The following ENTREP1 variants were observed in gnomAD, a reference collection of about 807,000 sequenced individuals.
ENTREP1 encodes endosomal transmembrane epsin interactor 1.
At chr9:69,342,112 G>A in the ENTREP1 span, among the ~76,000 whole-genome samples, 2 of 152,042 alleles carry the variant, frequency 1.3e-5, no homozygotes, top group Non-Finnish European at 2.9e-5. Flanking sequence ...ATTTCACTCT[G>A]TTTATTAAGG....
the ENTREP1 span, chr9:69,371,507 C>G: frequency 6.2e-7 from 1 of 1,612,576 alleles, no homozygotes; most frequent in South Asian, 1.1e-5. Flanking sequence ...AGGTAAACCT[C>G]TTTGTGCTGC....
chr9:69,363,544 G>T, the ENTREP1 span, among the ~76,000 whole-genome samples: 1 of 152,192 alleles, frequency 6.6e-6, no homozygotes, highest in Non-Finnish European at 1.5e-5. Context: ...CAGTGAAACT[G>T]TTAACCTTTT....
At chr9:69,332,716 C>T in the ENTREP1 span, among the ~76,000 whole-genome samples, 1 of 152,114 alleles carries the variant, frequency 6.6e-6, no homozygotes, top group Non-Finnish European at 1.5e-5. Flanking sequence ...TCAGAGACAC[C>T]TCATTTGAAA....
chr9:69,371,464 T>C, the ENTREP1 span: 4 of 1,366,754 alleles, frequency 2.9e-6, no homozygotes, highest in South Asian at 1.2e-5. Flanking sequence ...TTAGCTGTTA[T>C]CTTTTACTAA....
At chr9:69,388,341 G>C in the ENTREP1 span, 1 of 1,614,204 alleles carries the variant, frequency 6.2e-7, no homozygotes. Context: ...CAGTCCTCTT[G>C]TACCATGACC....
chr9:69,334,825 G>A, the ENTREP1 span, among the ~76,000 whole-genome samples: 2 of 143,370 alleles, frequency 1.4e-5, no homozygotes, highest in South Asian at 2.2e-4. Context: ...CGCCCAGGCT[G>A]GAGTGCAGTG....
chr9:69,368,330 T>A, the ENTREP1 span, among the ~76,000 whole-genome samples: 1 of 152,014 alleles, frequency 6.6e-6, no homozygotes, highest in African/African-American at 2.4e-5. Flanking sequence ...TAGCTGTGGG[T>A]TTTTCATTTA....
At chr9:69,368,523 C>A in the ENTREP1 span, among the ~76,000 whole-genome samples, 1 of 152,180 alleles carries the variant, frequency 6.6e-6, no homozygotes, top group East Asian at 1.9e-4. Context: ...TGATGTATAT[C>A]TTTTTGATGT....
At chr9:69,369,534 A>G in the ENTREP1 span, among the ~76,000 whole-genome samples, 1 of 151,420 alleles carries the variant, frequency 6.6e-6, no homozygotes, top group East Asian at 1.9e-4. Context: ...TCTAACTGGC[A>G]TGAGATGGTA....
chr9:69,340,989 G>C, the ENTREP1 span, among the ~76,000 whole-genome samples: 1 of 152,140 alleles, frequency 6.6e-6, no homozygotes, highest in Non-Finnish European at 1.5e-5. Context: ...AAGATTGTCT[G>C]GTCTAGGCAC....
At chr9:69,366,192 T>C in the ENTREP1 span, among the ~76,000 whole-genome samples, 1 of 152,188 alleles carries the variant, frequency 6.6e-6, no homozygotes, top group Non-Finnish European at 1.5e-5. Flanking sequence ...CAACAGGTGT[T>C]ACTTTTTGTC....
chr9:69,347,022 TA>T, the ENTREP1 span, among the ~76,000 whole-genome samples: 2 of 152,242 alleles, frequency 1.3e-5, no homozygotes, highest in Non-Finnish European at 2.9e-5. Flanking sequence ...CTGGGGATTC[TA>T]AAGGACGGAT....
the ENTREP1 span, among the ~76,000 whole-genome samples, chr9:69,373,449 T>C: frequency 2.6e-4 from 40 of 152,290 alleles, no homozygotes; most frequent in African/African-American, 9.6e-4. Context: ...TACATAAATA[T>C]GTATGGAGTG....
At chr9:69,375,850 C>T in the ENTREP1 span, 3 of 1,613,770 alleles carry the variant, frequency 1.9e-6, no homozygotes, top group Non-Finnish European at 2.5e-6. Context: ...TAGTGCTGTT[C>T]ACCTTCTACT....
At chr9:69,363,921 T>C in the ENTREP1 span, among the ~76,000 whole-genome samples, 121,319 of 151,078 alleles carry the variant, frequency 0.8, 48,741 homozygotes, top group South Asian at 0.86. Flanking sequence ...CAGTGTAGAG[T>C]GAGTTCCCTA....
At chr9:69,376,223 A>G in the ENTREP1 span, among the ~76,000 whole-genome samples, 1,158 of 152,274 alleles carry the variant, frequency 7.6e-3, 16 homozygotes, top group African/African-American at 0.026. Context: ...CTTTTAGCAA[A>G]ACCTTTAAGT....
the ENTREP1 span, chr9:69,388,229 A>G: frequency 6.2e-7 from 1 of 1,614,182 alleles, no homozygotes; most frequent in Non-Finnish European, 8.5e-7. Flanking sequence ...AGTGACTCTG[A>G]GGAGAGGCTT....
At chr9:69,350,364 T>G in the ENTREP1 span, among the ~76,000 whole-genome samples, 3 of 152,190 alleles carry the variant, frequency 2.0e-5, no homozygotes, top group African/African-American at 4.8e-5. Flanking sequence ...TTGATACGTT[T>G]GTTGAAAATA....
At chr9:69,340,744 TG>T in the ENTREP1 span, among the ~76,000 whole-genome samples, 10 of 136,508 alleles carry the variant, frequency 7.3e-5, no homozygotes, top group African/African-American at 2.9e-4. Flanking sequence ...TATGTGTGTG[TG>T]TTTGTGTGTG....
Sources: allele counts gnomAD v4.1 joint callset (sites outside exome capture counted in the v4.1 genomes callset), GRCh38; gene constraint gnomAD v4.1.1; transcripts MANE v1.5; gene names NCBI Gene and HGNC (gene_info 2026-07-23, HGNC 2026-07-21).